The following ARHGAP15 variants were observed in gnomAD, a reference collection of about 807,000 sequenced individuals.
The protein encoded by ARHGAP15 is Rho GTPase activating protein 15.
A neutral mutation model predicts 63.7 loss-of-function variants in ARHGAP15; 51 were observed. That is an observed-to-expected ratio of 0.80 (90% confidence interval 0.64 to 1.01). ARHGAP15 has a LOEUF of 1.01. Among genes scored for constraint, ARHGAP15 ranks in the 50% least tolerant of loss-of-function variants. The pLI, the probability that ARHGAP15 is intolerant of heterozygous loss-of-function variation, is 0.00. For synonymous variants in ARHGAP15, 191 were observed against 193.8 expected (o/e 0.99, Z 0.12); for missense variants, 560 against 564.6 (o/e 0.99, Z 0.08).
chr2:143,644,963 G>T (rs1267206106), intron 12 of ARHGAP15, among the ~76,000 whole-genome samples: 1 of 151,952 alleles, frequency 6.6e-6, no homozygotes, highest in Non-Finnish European at 1.5e-5. Flanking sequence ...TATGTTGGGG[G>T]ACACCCACTG....
intron 10 of ARHGAP15, chr2:143,522,072 A>G (rs557510113): frequency 3.9e-5 from 6 of 152,294 alleles, no homozygotes; most frequent in African/African-American, 1.4e-4. Context: ...CATCCCTGGT[A>G]AAGTGATATT....
chr2:143,573,049 C>A (rs1054562038), intron 11 of ARHGAP15, among the ~76,000 whole-genome samples: 7 of 152,076 alleles, frequency 4.6e-5, no homozygotes, highest in African/African-American at 1.7e-4. Context: ...TATTCAGGTA[C>A]TTTTCATTTT....
intron 6 of ARHGAP15, among the ~76,000 whole-genome samples, chr2:143,411,008 C>T (rs1180110451): frequency 2.0e-5 from 3 of 151,988 alleles, no homozygotes; most frequent in Non-Finnish European, 4.4e-5. Context: ...GTTCACGAAC[C>T]AGCCTGACCA....
chr2:143,444,049 C>A (rs1364484575), intron 8 of ARHGAP15, among the ~76,000 whole-genome samples: 1 of 152,176 alleles, frequency 6.6e-6, no homozygotes, highest in African/African-American at 2.4e-5. Flanking sequence ...CTCATAGCAT[C>A]AGCTACTCTG....
chr2:143,136,256 C>T (rs963636492), intron 1 of ARHGAP15, among the ~76,000 whole-genome samples: 5 of 151,928 alleles, frequency 3.3e-5, no homozygotes, highest in Non-Finnish European at 7.4e-5. Flanking sequence ...ATACTGTTCA[C>T]GTGACTTTTC....
rs1558898102 is a variant in ARHGAP15 at position 143,330,133 on chromosome 2, C to CAAAAAAAAAAAAAAAAAAA, written c.474+79538_474+79539insAAAAAAAAAAAAAAAAAAA. Reference sequence around the variant, plus strand: ...AAAAAAAAAAAAAAAAAAAAAAAACCAAAAACAAAAAACTAAACTAATGAT... The same window carrying CAAAAAAAAAAAAAAAAAAA: ...AAAAAAAAAAAAAAAAAAAAAAAACCAAAAAAAAAAAAAAAAAAAAAAAACAAAAAACTAAACTAATGAT... On this transcript the variant is annotated intron_variant, in intron 6 of 13. Transcript: ENST00000295095. Among the ~76,000 whole-genome samples, 182 of 37,336 alleles carry CAAAAAAAAAAAAAAAAAAA rather than the reference C, an allele frequency of 4.9e-3. 31 individuals are homozygous for CAAAAAAAAAAAAAAAAAAA. The highest frequency in any genetic ancestry group is 6.5e-3 in the Non-Finnish European group (125 of 19,150). 24.5% of individuals were successfully genotyped at this position (37,336 alleles called of 152,430 possible). A position where few individuals can be genotyped will look rare whatever the true frequency, so the allele number is the denominator to read the frequency against.
intron 13 of ARHGAP15, among the ~76,000 whole-genome samples, chr2:143,719,762 G>C (rs1684967478): frequency 6.6e-6 from 1 of 152,112 alleles, no homozygotes; most frequent in Non-Finnish European, 1.5e-5. Context: ...AGAAATAAAT[G>C]TACGCCCTGC....
At chr2:143,223,903 G>A (rs1305062977) in intron 4 of ARHGAP15, among the ~76,000 whole-genome samples, 1 of 152,108 alleles carries the variant, frequency 6.6e-6, no homozygotes, top group Non-Finnish European at 1.5e-5. Context: ...CTGTAATATG[G>A]GAGTATCCTA....
chr2:143,564,018 T>A (rs1696127717), intron 11 of ARHGAP15: 1 of 152,266 alleles, frequency 6.6e-6, no homozygotes, highest in Non-Finnish European at 1.5e-5. Flanking sequence ...AGGCGGGTTC[T>A]CATCTAGAGG....
At chr2:143,267,857 A>G (rs1681073710) in intron 6 of ARHGAP15, among the ~76,000 whole-genome samples, 1 of 152,066 alleles carries the variant, frequency 6.6e-6, no homozygotes, top group East Asian at 1.9e-4. Context: ...CACAAAAAAT[A>G]TTTTCTCTAG....
At chr2:143,395,512 T>C (rs1396092413) in intron 6 of ARHGAP15, among the ~76,000 whole-genome samples, 1 of 152,134 alleles carries the variant, frequency 6.6e-6, no homozygotes, top group African/African-American at 2.4e-5. Flanking sequence ...AACACACACA[T>C]AGTTACCTAT....
chr2:143,714,820 C>T (rs531062056), intron 13 of ARHGAP15, among the ~76,000 whole-genome samples: 82 of 152,332 alleles, frequency 5.4e-4, no homozygotes, highest in Non-Finnish European at 1.1e-3. Flanking sequence ...CTGAGACCAC[C>T]TCAGCCTGTA....
rs6713092 is a variant in ARHGAP15, at chr2:143,184,384, G to C, written c.166-17750G>C. 2.6e-5 allele frequency among the ~76,000 whole-genome samples: 4 copies of C among 152,098 alleles called. No individual in the cohort carries two copies. The East Asian group carries it at 7.7e-4, about 29-fold the overall frequency. On this transcript the variant is annotated intron_variant, in intron 2 of 13. Transcript: ENST00000295095. ...TTTCTGATGACTTTAATTTCAATAA[G>C]GCAGGACTAATTCCTTTATCCACAT... is the stretch of plus-strand genomic sequence containing the variant.
chr2:143,660,360 G>A (rs13001543), intron 12 of ARHGAP15, among the ~76,000 whole-genome samples: 38,084 of 152,014 alleles, frequency 0.25, 5,908 homozygotes, highest in Admixed American at 0.36. Context: ...TGTTTTTGCC[G>A]ATACTGCTTT....
At chr2:143,629,032 T>C (rs1288650201) in intron 12 of ARHGAP15, among the ~76,000 whole-genome samples, 1 of 152,150 alleles carries the variant, frequency 6.6e-6, no homozygotes. Flanking sequence ...ATACTTTGCA[T>C]CTGAGGAGAA....
intron 6 of ARHGAP15, among the ~76,000 whole-genome samples, chr2:143,339,970 T>C (rs1395044569): frequency 6.6e-6 from 1 of 152,182 alleles, no homozygotes; most frequent in Admixed American, 6.6e-5. Flanking sequence ...CCAGTCATTT[T>C]ATTCCTTCTT....
chr2:143,465,564 T>G (rs1269529952), intron 8 of ARHGAP15, among the ~76,000 whole-genome samples: 1 of 152,164 alleles, frequency 6.6e-6, no homozygotes, highest in Non-Finnish European at 1.5e-5. Context: ...TCTGTTGTAT[T>G]TATTTTAGCA....
intron 11 of ARHGAP15, among the ~76,000 whole-genome samples, chr2:143,589,220 G>C (rs1209883303): frequency 1.3e-5 from 2 of 152,128 alleles, no homozygotes; most frequent in South Asian, 2.1e-4. Context: ...GTAGTCACTG[G>C]TCACTGGAAT....
intron 6 of ARHGAP15, among the ~76,000 whole-genome samples, chr2:143,273,759 C>G (rs922807117): frequency 6.6e-6 from 1 of 152,038 alleles, no homozygotes. Context: ...ATTTTAAATG[C>G]TAGTCATTTC....
Sources: gnomAD v4.1 joint callset for allele counts (sites outside exome capture counted in the v4.1 genomes callset) on GRCh38, gnomAD v4.1.1 for gene constraint, MANE v1.5 for transcripts, NCBI Gene and HGNC (gene_info 2026-07-23, HGNC 2026-07-21) for gene names.